The following GRM1 variants were observed in gnomAD, a reference collection of about 807,000 sequenced individuals.
The protein encoded by GRM1 is glutamate metabotropic receptor 1.
A neutral mutation model predicts 90.9 loss-of-function variants in GRM1; 33 were observed. The ratio of observed to expected loss-of-function variants is 0.36; its 90% CI spans 0.28 to 0.49. The LOEUF is 0.49. Ranked by LOEUF, GRM1 falls within the 20% of genes least tolerant of loss-of-function variation. The pLI is 0.99. For missense variants in GRM1, 1,190 were observed against 1,534.3 expected (o/e 0.78, Z 3.75); for synonymous variants, 700 against 613.2 (o/e 1.14, Z -2.09).
intron 5 of GRM1, among the ~76,000 whole-genome samples, chr6:146,360,277 A>G (rs1171801143): frequency 3.3e-5 from 5 of 152,202 alleles, no homozygotes; most frequent in Non-Finnish European, 7.3e-5. Context: ...CCTTTGAAGT[A>G]GTCAAAAATC....
At chr6:146,151,282 C>A (rs1777325462) in intron 1 of GRM1, among the ~76,000 whole-genome samples, 1 of 152,176 alleles carries the variant, frequency 6.6e-6, no homozygotes, top group South Asian at 2.1e-4. Flanking sequence ...CAAATATCTA[C>A]ATATTTTCTC....
At chr6:146,350,249 T>C (rs1054292813) in intron 3 of GRM1, among the ~76,000 whole-genome samples, 6 of 152,208 alleles carry the variant, frequency 3.9e-5, no homozygotes, top group African/African-American at 1.4e-4. Context: ...TAAATAGTAG[T>C]TATAAAAACA....
chr6:146,311,651 G>A (rs898710408), intron 3 of GRM1, among the ~76,000 whole-genome samples: 4 of 152,140 alleles, frequency 2.6e-5, no homozygotes, highest in African/African-American at 9.7e-5. Flanking sequence ...AGTTTCACTA[G>A]CCACAGTTCA....
intron 1 of GRM1, among the ~76,000 whole-genome samples, chr6:146,111,863 A>G (rs1160484744): frequency 5.3e-5 from 8 of 152,352 alleles, no homozygotes; most frequent in South Asian, 4.1e-4. Context: ...TCGTGATACA[A>G]TGCTTGATAG....
intron 2 of GRM1, among the ~76,000 whole-genome samples, chr6:146,217,889 G>A (rs1457186209): frequency 6.6e-6 from 1 of 152,164 alleles, no homozygotes; most frequent in Non-Finnish European, 1.5e-5. Flanking sequence ...AATAGATGTT[G>A]TAAGGCAGAT....
intron 2 of GRM1, among the ~76,000 whole-genome samples, chr6:146,194,930 C>A (rs769587117): frequency 9.2e-5 from 14 of 152,150 alleles, no homozygotes; most frequent in Non-Finnish European, 2.1e-4. Context: ...GAGATGTTAC[C>A]TAACCTCTCT....
At chr6:146,265,308 G>T (rs946714317) in intron 2 of GRM1, among the ~76,000 whole-genome samples, 1 of 152,096 alleles carries the variant, frequency 6.6e-6, no homozygotes, top group Non-Finnish European at 1.5e-5. Flanking sequence ...TTGTATATTT[G>T]TTGGCCACTT....
intron 7 of GRM1, among the ~76,000 whole-genome samples, chr6:146,424,564 A>G (rs1778127912): frequency 6.6e-6 from 1 of 152,236 alleles, no homozygotes; most frequent in African/African-American, 2.4e-5. Context: ...ATTAAAAGAT[A>G]ACATTTTTAT....
At chr6:146,338,743 G>A (rs2115010485) in intron 3 of GRM1, among the ~76,000 whole-genome samples, 1 of 152,318 alleles carries the variant, frequency 6.6e-6, no homozygotes, top group Non-Finnish European at 1.5e-5. Context: ...GGGGGTACAA[G>A]TTATAGAAGC....
intron 1 of GRM1, among the ~76,000 whole-genome samples, chr6:146,039,035 T>C (rs1483845207): frequency 6.6e-6 from 1 of 152,060 alleles, no homozygotes; most frequent in Non-Finnish European, 1.5e-5. Context: ...TCCAGATTCC[T>C]ATCTCAATTT....
At chr6:146,311,050 A>G (rs1289325167) in intron 3 of GRM1, among the ~76,000 whole-genome samples, 3 of 152,256 alleles carry the variant, frequency 2.0e-5, no homozygotes, top group Admixed American at 2.0e-4. Context: ...GTTTAATTAA[A>G]TTATGGGACA....
At chr6:146,321,744 T>C (rs568476159) in intron 3 of GRM1, among the ~76,000 whole-genome samples, 43 of 152,290 alleles carry the variant, frequency 2.8e-4, no homozygotes, top group African/African-American at 1.0e-3. Context: ...TTTTTATCTG[T>C]TTTGGTTTAA....
At chr6:146,235,111 T>A (rs1780592802) in intron 2 of GRM1, among the ~76,000 whole-genome samples, 1 of 152,086 alleles carries the variant, frequency 6.6e-6, no homozygotes, top group African/African-American at 2.4e-5. Context: ...GCAGGTCTGC[T>A]GGCAATGAAT....
chr6:146,382,324 A>T (rs969788287), intron 5 of GRM1, among the ~76,000 whole-genome samples: 7 of 6,910 alleles, frequency 1.0e-3, no homozygotes, highest in Non-Finnish European at 5.5e-3. Flanking sequence ...CTAAGATTTA[A>T]AAAAAAAAAA....
At chr6:146,065,742 G>A (rs965405901) in intron 1 of GRM1, among the ~76,000 whole-genome samples, 6 of 152,172 alleles carry the variant, frequency 3.9e-5, no homozygotes, top group African/African-American at 9.6e-5. Context: ...AGGAGAAGGC[G>A]GAAGGAATGT....
chr6:146,040,686 A>G (rs948759144), intron 1 of GRM1, among the ~76,000 whole-genome samples: 3 of 151,906 alleles, frequency 2.0e-5, no homozygotes, highest in African/African-American at 4.8e-5. Context: ...GGGATTATCA[A>G]CTTTTGAAAG....
chr6:146,392,901 G>A (rs879072833), intron 6 of GRM1, among the ~76,000 whole-genome samples: 2 of 151,370 alleles, frequency 1.3e-5, no homozygotes. Context: ...ATTCCATGGT[G>A]TATATGTGCC....
chr6:146,432,750 C>T, intron 7 of GRM1, among the ~76,000 whole-genome samples: 1 of 152,150 alleles, frequency 6.6e-6, no homozygotes, highest in Non-Finnish European at 1.5e-5. Context: ...GGTAAGGTAC[C>T]AACATCTGCT....
At chr6:146,352,517 T>A in intron 4 of GRM1, 21 bp downstream of exon 4, 2 of 1,612,300 alleles carry the variant, frequency 1.2e-6, no homozygotes, top group Non-Finnish European at 1.7e-6. Flanking sequence ...CAGTAATCAA[T>A]CTAAGTAACC....
Sources: gnomAD v4.1 joint callset for allele counts (sites outside exome capture counted in the v4.1 genomes callset) on GRCh38, gnomAD v4.1.1 for gene constraint, MANE v1.5 for transcripts, NCBI Gene and HGNC (gene_info 2026-07-23, HGNC 2026-07-21) for gene names.